PTK7: variants seen among roughly 807,000 people sequenced by gnomAD.
PTK7 encodes protein tyrosine kinase 7 (inactive), also known as inactive tyrosine-protein kinase 7.
Under a neutral mutation model 116.6 loss-of-function variants are expected in PTK7, and 39 were observed. The ratio of observed to expected loss-of-function variants is 0.33; its 90% CI spans 0.26 to 0.44. The LOEUF (loss-of-function observed/expected upper bound fraction) is 0.44, where lower values mean the gene tolerates loss of function less well. Ranked by LOEUF, PTK7 falls within the 20% of genes least tolerant of loss-of-function variation. The pLI is 1.00. For synonymous variants in PTK7, 546 were observed against 563.6 expected (o/e 0.97, Z 0.44); for missense variants, 1,169 against 1,425.6 (o/e 0.82, Z 2.90).
chr6:43,080,123 T>C (rs1398706333), intron 1 of PTK7, among the ~76,000 whole-genome samples: 2 of 140,588 alleles, frequency 1.4e-5, no homozygotes. Context: ...GAGGCTGAGG[T>C]GGGCGGATCA....
Position 43,160,858 on chromosome 6 carries a change from A to G in PTK7, c.3190A>G (p.Ser1064Gly), listed in dbSNP as rs1021992117. The change falls in exon 20 of 20, where the codon AGC becomes GGC. Residue 1064 changes from serine to glycine, a missense_variant. Physicochemically the swap from Ser to Gly is moderately conservative, Grantham distance 56 (BLOSUM62 0). This residue lies in a region of PTK7 where 678 missense variants were observed against 853.8 expected (regional missense o/e 0.79). Coordinates refer to ENST00000230419, the MANE Select transcript of PTK7 (RefSeq NM_002821.5). ...TGAGATTGCCAGCGCCCTGGGAGAC[A>G]GCACCGTGGACAGCAAGCCGTGAGG... ...FSEIASALGDSTVDSKP is the reference protein window; with the variant it reads ...FSEIASALGDGTVDSKP The G allele has an allele frequency of 7.4e-6, 12 of 1,613,926 alleles. No homozygotes were observed. The African/African-American group carries it at 1.3e-4, about 18-fold the overall frequency.
Position 43,132,613 on chromosome 6 carries a change from A to T in PTK7, c.1154A>T (p.Asp385Val). The change falls in exon 7 of 20, where the codon GAT becomes GTT. Residue 385 changes from aspartate (D) to valine (V), a missense_variant. Asp to Val is a radical substitution (Grantham distance 152). This residue lies in a region of PTK7 where 487 missense variants were observed against 549.8 expected (regional missense o/e 0.89). Coordinates refer to ENST00000230419, the MANE Select transcript of PTK7 (RefSeq NM_002821.5). ...GTGTTGGCCAATATTGCTGAAAGTG[A>T]TGCTGGTGTCTACACCTGCCACGCG... Reference protein sequence around the residue: ...ELVLANIAESDAGVYTCHAAN... With the variant: ...ELVLANIAESVAGVYTCHAAN... 1 of 1,608,510 alleles carries T rather than the reference A, an allele frequency of 6.2e-7. No homozygotes were observed. Among genetic ancestry groups the T allele is most frequent in the Non-Finnish European group, 8.5e-7 (1 of 1,177,614 alleles).
At chr6:43,134,957 G>A (rs1202291946) in intron 7 of PTK7, among the ~76,000 whole-genome samples, 2 of 151,856 alleles carry the variant, frequency 1.3e-5, no homozygotes, top group Non-Finnish European at 2.9e-5. Flanking sequence ...CCAAAAAAAT[G>A]TCTAAGACAT....
At chr6:43,103,863 T>G (rs1767718493) in intron 1 of PTK7, among the ~76,000 whole-genome samples, 1 of 152,200 alleles carries the variant, frequency 6.6e-6, no homozygotes, top group African/African-American at 2.4e-5. Flanking sequence ...GAGTAGATTT[T>G]CCCTAGAAGG....
intron 1 of PTK7, among the ~76,000 whole-genome samples, chr6:43,121,697 G>A (rs1025313644): frequency 1.3e-5 from 2 of 152,224 alleles, no homozygotes; most frequent in Non-Finnish European, 2.9e-5. Context: ...TGTACTGGTG[G>A]TAGTCGGGGG....
At chr6:43,146,546 C>T in intron 16 of PTK7, 72 bp from the exon 17 acceptor site, 2 of 1,442,272 alleles carry the variant, frequency 1.4e-6, no homozygotes, top group South Asian at 1.2e-5. Flanking sequence ...TCTGCGAGCA[C>T]CTGCTTGGTC....
intron 1 of PTK7, among the ~76,000 whole-genome samples, chr6:43,096,884 A>G (rs1377241169): frequency 1.4e-5 from 2 of 145,412 alleles, no homozygotes; most frequent in Non-Finnish European, 3.0e-5. Context: ...AGGGTGAGTG[A>G]TATTTAAGGC....
intron 1 of PTK7, among the ~76,000 whole-genome samples, chr6:43,125,221 A>C (rs1769218794): frequency 6.6e-6 from 1 of 152,224 alleles, no homozygotes; most frequent in Non-Finnish European, 1.5e-5. Flanking sequence ...TGTCCCAGCC[A>C]AGCACTAACC....
intron 1 of PTK7, among the ~76,000 whole-genome samples, chr6:43,078,531 C>T (rs1375637966): frequency 6.7e-6 from 1 of 148,514 alleles, no homozygotes; most frequent in East Asian, 2.0e-4. Flanking sequence ...ACTTCAGGGG[C>T]AACGGTTTTT....
At position 43,129,405 on chromosome 6, in the gene PTK7, C is replaced by A; in HGVS notation, c.367+141C>A. On this transcript the variant is annotated intron_variant, in intron 2 of 19. Coordinates refer to ENST00000230419, the MANE Select transcript of PTK7 (RefSeq NM_002821.5). This position sits in a 1 kb window ranked among gnomAD's most constrained non-coding sequence, Gnocchi z 4.5. ...ATGCATTTATCATCAGCTTTTTTTGCTCATGTGGATAAGAGGAAATTAAAA... is the reference window on the plus strand; with the variant it reads ...ATGCATTTATCATCAGCTTTTTTTGATCATGTGGATAAGAGGAAATTAAAA... 1 of 1,152,114 alleles carries A rather than the reference C, an allele frequency of 8.7e-7. No individual in the cohort carries two copies. Among genetic ancestry groups the A allele is most frequent in the Non-Finnish European group, 1.2e-6 (1 of 824,644 alleles). The allele number at this position is 1,152,114 out of a possible 1,614,324, so 71.4% of individuals were successfully genotyped here.
chr6:43,118,657 CTCTATATATATATATA>C (rs1180599936), intron 1 of PTK7, among the ~76,000 whole-genome samples: 17 of 61,054 alleles, frequency 2.8e-4, no homozygotes, highest in South Asian at 1.1e-3. Context: ...CTCTCTCTCT[CTCTATATATATATATA>C]TATATATATA....
intron 17 of PTK7, among the ~76,000 whole-genome samples, chr6:43,156,854 A>C (rs1302324587): frequency 2.0e-5 from 3 of 151,940 alleles, no homozygotes; most frequent in Non-Finnish European, 4.4e-5. Context: ...CCGAGATCGC[A>C]CCACTGCCCT....
chr6:43,084,971 T>G (rs1385024660), intron 1 of PTK7, among the ~76,000 whole-genome samples: 1 of 152,168 alleles, frequency 6.6e-6, no homozygotes, highest in Non-Finnish European at 1.5e-5. Flanking sequence ...CCACAAGTGA[T>G]GAAGTAATAG....
chr6:43,160,852 G>A lies in PTK7; in HGVS notation c.3184G>A (p.Gly1062Arg). Residue 1062 changes from glycine to arginine, a missense_variant, in exon 20 of 20, where the codon GGA (glycine) becomes AGA (arginine). Gly to Arg is a moderately radical substitution (Grantham distance 125). Coordinates refer to ENST00000230419, the MANE Select transcript of PTK7 (RefSeq NM_002821.5). ...PSFSEIASAL[G>R]DSTVDSKP ...CTTCAGTGAGATTGCCAGCGCCCTG[G>A]GAGACAGCACCGTGGACAGCAAGCC... The A allele has an allele frequency of 6.2e-7, 1 of 1,614,096 alleles. No individual in the cohort carries two copies. Among genetic ancestry groups the A allele is most frequent in the Non-Finnish European group, 8.5e-7 (1 of 1,180,028 alleles).
At chr6:43,152,505 C>A (rs551687111) in intron 17 of PTK7, among the ~76,000 whole-genome samples, 1 of 152,202 alleles carries the variant, frequency 6.6e-6, no homozygotes, top group East Asian at 1.9e-4. Flanking sequence ...CCCGCCTGGG[C>A]GACAGAGTGA....
chr6:43,142,144 G>T (rs1770455076), intron 12 of PTK7, 28 bp from the exon 13 acceptor site: 1 of 1,613,210 alleles, frequency 6.2e-7, no homozygotes, highest in South Asian at 1.1e-5. Flanking sequence ...CTGCGAGCTG[G>T]CCAGCACTAT....
chr6:43,113,191 G>C (rs1249643299), intron 1 of PTK7, among the ~76,000 whole-genome samples: 1 of 152,136 alleles, frequency 6.6e-6, no homozygotes, highest in Non-Finnish European at 1.5e-5. Flanking sequence ...CAGCACTTGG[G>C]GAGGTCGAGG....
intron 1 of PTK7, among the ~76,000 whole-genome samples, chr6:43,126,567 T>G (rs1005734307): frequency 6.6e-6 from 1 of 152,226 alleles, no homozygotes; most frequent in Non-Finnish European, 1.5e-5. Flanking sequence ...GGAATGTGAC[T>G]CCTCATTGTA....
intron 1 of PTK7, among the ~76,000 whole-genome samples, chr6:43,105,650 C>T (rs771815913): frequency 6.6e-5 from 10 of 151,902 alleles, no homozygotes; most frequent in Admixed American, 2.6e-4. Flanking sequence ...CTGGTGGCGC[C>T]CCATGTGAAG....
Sources: allele counts gnomAD v4.1 joint callset (sites outside exome capture counted in the v4.1 genomes callset), GRCh38; gene constraint gnomAD v4.1.1; regional missense constraint gnomAD v4.1.1; non-coding constraint Gnocchi (gnomAD v3.1); transcripts MANE v1.5; gene names NCBI Gene and HGNC (gene_info 2026-07-23, HGNC 2026-07-21).